FAM13A: variants seen among roughly 807,000 people sequenced by gnomAD.
FAM13A encodes family with sequence similarity 13 member A.
A neutral mutation model predicts 129.6 loss-of-function variants in FAM13A; 76 were observed. That is an observed-to-expected ratio of 0.59 (90% CI 0.49 to 0.71). The LOEUF (loss-of-function observed/expected upper bound fraction) is 0.71, where lower values mean the gene tolerates loss of function less well. FAM13A is among the 30% of genes least tolerant of loss of function. FAM13A has a pLI of 0.00. For missense variants in FAM13A, 1,108 were observed against 1,249.3 expected (o/e 0.89, Z 1.70); for synonymous variants, 443 against 449.9 (o/e 0.98, Z 0.20).
At chr4:88,953,339 C>T (rs914800784) in intron 4 of FAM13A, among the ~76,000 whole-genome samples, 1 of 152,030 alleles carries the variant, frequency 6.6e-6, no homozygotes, top group African/African-American at 2.4e-5. Flanking sequence ...CCTGTAATCC[C>T]AGCTACTCGG....
chr4:88,814,807 T>C (rs891661946), intron 7 of FAM13A, among the ~76,000 whole-genome samples: 1 of 152,092 alleles, frequency 6.6e-6, no homozygotes, highest in African/African-American at 2.4e-5. Flanking sequence ...AGTTCAATTC[T>C]TTATTTTTAT....
rs558148507 is a variant in FAM13A, at chr4:88,882,745, C to T, written c.843+23634G>A. Among the ~76,000 whole-genome samples the T allele has an allele frequency of 6.9e-4, 105 of 152,236 alleles. 2 individuals are homozygous for T. In the South Asian group the frequency reaches 0.022, roughly 31 times the overall value. The stretch of plus-strand genomic sequence containing the variant: ...GGCAGAATGGATAAGAATTCACCAA[C>T]CAACTATCTGCTATCTTCAAGAGAC... On this transcript the variant is annotated intron_variant, in intron 6 of 23. Coordinates refer to ENST00000264344, the MANE Select transcript of FAM13A (RefSeq NM_014883.4).
chr4:89,020,425 T>C, intron 3 of FAM13A, 35 bp downstream of exon 3: 1 of 1,528,318 alleles, frequency 6.5e-7, no homozygotes, highest in Non-Finnish European at 9.1e-7. Context: ...CCTAGTAAAG[T>C]TGTTTTAACT....
chr4:88,958,018 G>C (rs551159538), intron 4 of FAM13A, among the ~76,000 whole-genome samples: 1 of 152,262 alleles, frequency 6.6e-6, no homozygotes, highest in Non-Finnish European at 1.5e-5. Flanking sequence ...TATTTAAAAG[G>C]GAAGCAGAGC....
At chr4:89,014,070 C>T (rs577904023) in intron 3 of FAM13A, among the ~76,000 whole-genome samples, 2 of 152,198 alleles carry the variant, frequency 1.3e-5, no homozygotes, top group South Asian at 4.2e-4. Context: ...AGGTTCCAGC[C>T]ACTCACGACC....
rs533282818 is a variant in FAM13A at position 88,919,005 on chromosome 4, C to T, written c.760-12543G>A. ...TGTACTGCAAAGTGAATGAGAAATA[C>T]ATTTTGATTGTCTTAAGCCACCAAG... On this transcript the variant is annotated intron_variant, in intron 5 of 23. Coordinates refer to ENST00000264344, the MANE Select transcript of FAM13A (RefSeq NM_014883.4). 5.3e-5 allele frequency among the ~76,000 whole-genome samples: 8 copies of T among 152,302 alleles called. No individual in the cohort carries two copies. The South Asian group carries it at 1.7e-3, about 32-fold the overall frequency.
intron 7 of FAM13A, among the ~76,000 whole-genome samples, chr4:88,829,269 T>A (rs1733514978): frequency 6.6e-6 from 1 of 152,192 alleles, no homozygotes; most frequent in South Asian, 2.1e-4. Flanking sequence ...TAGTGAGATC[T>A]CATCCCTACA....
At chr4:88,914,286 C>T (rs963617711) in intron 5 of FAM13A, among the ~76,000 whole-genome samples, 3 of 152,188 alleles carry the variant, frequency 2.0e-5, no homozygotes, top group African/African-American at 4.8e-5. Flanking sequence ...GTAAATCAGA[C>T]AATGTCACTT....
At chr4:88,865,730 G>A (rs1740277147) in intron 6 of FAM13A, among the ~76,000 whole-genome samples, 1 of 152,176 alleles carries the variant, frequency 6.6e-6, no homozygotes, top group Admixed American at 6.5e-5. Context: ...AGCAGCCACA[G>A]ACAATATATA....
intron 2 of FAM13A, among the ~76,000 whole-genome samples, chr4:89,026,261 G>A (rs60690906): frequency 0.023 from 3,441 of 152,276 alleles, 113 homozygotes; most frequent in African/African-American, 0.076. Flanking sequence ...CTGGCTTCAA[G>A]ATTTTGTAGG....
chr4:88,914,179 G>T (rs998997395), intron 5 of FAM13A, among the ~76,000 whole-genome samples: 5 of 151,912 alleles, frequency 3.3e-5, no homozygotes, highest in Non-Finnish European at 5.9e-5. Flanking sequence ...AACTGAAATC[G>T]GTCTACTCTT....
intron 4 of FAM13A, among the ~76,000 whole-genome samples, chr4:88,953,456 A>AAAAC (rs539585516): frequency 2.0e-5 from 3 of 152,200 alleles, no homozygotes; most frequent in South Asian, 2.1e-4. Flanking sequence ...CTCTATCTCA[A>AAAAC]AAACAAACAA....
intron 7 of FAM13A, among the ~76,000 whole-genome samples, chr4:88,829,908 A>G (rs1733598630): frequency 6.6e-6 from 1 of 152,204 alleles, no homozygotes; most frequent in African/African-American, 2.4e-5. Context: ...CCACCATTCA[A>G]TAGCCCCTCA....
chr4:88,912,602 CA>C (rs200803976), intron 5 of FAM13A, among the ~76,000 whole-genome samples: 6 of 149,370 alleles, frequency 4.0e-5, no homozygotes, highest in East Asian at 1.9e-4. Context: ...CACACACACA[CA>C]CCTCCTATTG....
At chr4:88,755,170 G>A (rs1177255498) in intron 14 of FAM13A, among the ~76,000 whole-genome samples, 1 of 152,082 alleles carries the variant, frequency 6.6e-6, no homozygotes, top group African/African-American at 2.4e-5. Flanking sequence ...ATCTGTAGAG[G>A]ACCTAGTAAT....
At chr4:89,013,283 A>AT (rs199886830) in intron 3 of FAM13A, among the ~76,000 whole-genome samples, 10,082 of 149,508 alleles carry the variant, frequency 0.067, 423 homozygotes, top group Non-Finnish European at 0.097. Flanking sequence ...TATATATATA[A>AT]CACAGTATAT....
chr4:88,804,041 G>A (rs1370114774), intron 8 of FAM13A, among the ~76,000 whole-genome samples: 3 of 151,748 alleles, frequency 2.0e-5, no homozygotes, highest in Non-Finnish European at 4.4e-5. Flanking sequence ...TGGATCACGA[G>A]GTCAGGAGTT....
chr4:88,937,658 T>G (rs1449020769), intron 5 of FAM13A: 2 of 173,640 alleles, frequency 1.2e-5, no homozygotes, highest in African/African-American at 4.7e-5. Flanking sequence ...AATCTGAGGT[T>G]GGGCTTCAAA....
At chr4:88,748,496 C>G (rs995231997) in intron 17 of FAM13A, among the ~76,000 whole-genome samples, 2 of 152,180 alleles carry the variant, frequency 1.3e-5, no homozygotes, top group Non-Finnish European at 1.5e-5. Flanking sequence ...TTCTGTATGA[C>G]TTACACACCT....
Sources: allele counts gnomAD v4.1 joint callset (sites outside exome capture counted in the v4.1 genomes callset), GRCh38; gene constraint gnomAD v4.1.1; transcripts MANE v1.5; gene names NCBI Gene and HGNC (gene_info 2026-07-23, HGNC 2026-07-21).